Variants in PRKAR1A observed in about 807,000 individuals in gnomAD.
The protein encoded by PRKAR1A is cAMP-dependent protein kinase type I-alpha regulatory subunit.
Under a neutral mutation model 52.0 loss-of-function variants are expected in PRKAR1A, and 3 were observed. The ratio of observed to expected loss-of-function variants is 0.06; its 90% CI spans 0.03 to 0.15. PRKAR1A has a LOEUF of 0.15. Ranked by LOEUF, PRKAR1A falls within the 10% of genes least tolerant of loss-of-function variation. The probability of loss-of-function intolerance (pLI) is 1.00; values close to 1 mark genes in which losing one functional copy is unlikely to be tolerated. For synonymous variants in PRKAR1A, 188 were observed against 168.4 expected, an observed-to-expected ratio of 1.12 and a Z score of -0.90; for missense variants, 240 against 477.4, an observed-to-expected ratio of 0.50 and a Z score of 4.63.
At chr17:68,418,287 A>G in the PRKAR1A span, among the ~76,000 whole-genome samples, 1 of 152,228 alleles carries the variant, frequency 6.6e-6, no homozygotes, top group Admixed American at 6.5e-5. Context: ...ACACTTTGTT[A>G]GGACGAGTCT....
chr17:68,523,022 G>C, intron 3 of PRKAR1A, 96 bp downstream of exon 3: 1 of 1,459,420 alleles, frequency 6.9e-7, no homozygotes, highest in Non-Finnish European at 9.4e-7. Context: ...ATACAAAACA[G>C]GGTGGAACTT....
upstream of PRKAR1A, among the ~76,000 whole-genome samples, chr17:68,508,297 G>T (rs1294549689): frequency 1.3e-5 from 2 of 152,164 alleles, no homozygotes; most frequent in African/African-American, 2.4e-5. Context: ...GCCCATCAGT[G>T]GTAGTCTGGA....
At chr17:68,537,815 AAACAGCTGTT>A (rs2086139805), downstream of PRKAR1A, 1 of 1,506,414 alleles carries the variant, frequency 6.6e-7, no homozygotes, top group African/African-American at 1.4e-5. This position sits in a 1 kb window ranked among gnomAD's most constrained non-coding sequence, Gnocchi z 4.2. Context: ...CTTTCCCCAC[AAACAGCTGTT>A]GTAGCTGATA....
chr17:68,503,797 A>G, the PRKAR1A span, among the ~76,000 whole-genome samples: 1 of 152,266 alleles, frequency 6.6e-6, no homozygotes, highest in African/African-American at 2.4e-5. Context: ...GATGTTCAAC[A>G]TCACTGATCA....
chr17:68,449,815 T>A, the PRKAR1A span, among the ~76,000 whole-genome samples: 1 of 152,174 alleles, frequency 6.6e-6, no homozygotes, highest in East Asian at 1.9e-4. Flanking sequence ...TAGAGTAATG[T>A]GAGAATAGAC....
intron 2 of PRKAR1A, among the ~76,000 whole-genome samples, chr17:68,519,663 T>G (rs193287286): frequency 1.3e-5 from 2 of 152,248 alleles, no homozygotes; most frequent in African/African-American, 4.8e-5. Context: ...CTTCAACTAC[T>G]CCATAAGAAA....
At chr17:68,415,007 A>AT in the PRKAR1A span, among the ~76,000 whole-genome samples, 2 of 151,236 alleles carry the variant, frequency 1.3e-5, no homozygotes, top group Non-Finnish European at 3.0e-5. Flanking sequence ...TATCTTTTTT[A>AT]TTTTTTTGTT....
At chr17:68,488,528 G>C in the PRKAR1A span, among the ~76,000 whole-genome samples, 1 of 152,092 alleles carries the variant, frequency 6.6e-6, no homozygotes, top group East Asian at 1.9e-4. Flanking sequence ...AGGAGTTCCA[G>C]ACCAGCCTGA....
chr17:68,449,991 A>G, the PRKAR1A span, among the ~76,000 whole-genome samples: 2 of 152,206 alleles, frequency 1.3e-5, no homozygotes, highest in East Asian at 3.8e-4. Flanking sequence ...AGCCTGGGCA[A>G]TAGGGCAAGA....
rs1166253226 is a variant in PRKAR1A at position 68,548,806 on chromosome 17, C to A, written c.974-2278C>A. Among the ~76,000 whole-genome samples the A allele has an allele frequency of 5.0e-5, 7 of 139,904 alleles. No individual in the cohort carries two copies. In the South Asian group the frequency reaches 1.4e-3, roughly 29 times the overall value. The allele number at this position is 139,904 out of a possible 152,430, so 91.8% of individuals were successfully genotyped here. A position where few individuals can be genotyped will look rare whatever the true frequency, so the allele number is the denominator to read the frequency against. Reference sequence around the variant, plus strand: ...GGAGTGCAGTGGCTCGATCTTGGCTCACTGCAAGCTCCGCCTCCCGGGTTC... The same window carrying A: ...GGAGTGCAGTGGCTCGATCTTGGCTAACTGCAAGCTCCGCCTCCCGGGTTC... On this transcript the variant is annotated intron_variant, in intron 11 of 11. Coordinates refer to the PRKAR1A transcript ENST00000585981.
At chr17:68,479,766 C>A in the PRKAR1A span, among the ~76,000 whole-genome samples, 47 of 152,158 alleles carry the variant, frequency 3.1e-4, no homozygotes, top group Non-Finnish European at 6.5e-4. Flanking sequence ...GAAGAAATAC[C>A]CAAGACTGGG....
chr17:68,488,740 A>C, the PRKAR1A span, among the ~76,000 whole-genome samples: 1 of 150,554 alleles, frequency 6.6e-6, no homozygotes, highest in Non-Finnish European at 1.5e-5. Flanking sequence ...AAAACAAAAA[A>C]AAAAAAAAAA....
the PRKAR1A span, among the ~76,000 whole-genome samples, chr17:68,497,646 C>T: frequency 1.3e-5 from 2 of 152,068 alleles, no homozygotes; most frequent in East Asian, 3.8e-4. Context: ...TGCCAAGTGC[C>T]GTGCTAAGAG....
the PRKAR1A span, among the ~76,000 whole-genome samples, chr17:68,497,014 G>T: frequency 6.6e-6 from 1 of 151,606 alleles, no homozygotes; most frequent in African/African-American, 2.4e-5. Flanking sequence ...TGTGGAGACA[G>T]GGTTTTGCCA....
the PRKAR1A span, chr17:68,420,059 G>C: frequency 5.8e-6 from 6 of 1,040,730 alleles, no homozygotes; most frequent in Non-Finnish European, 7.1e-6. Flanking sequence ...CTTTGACAGA[G>C]AGAGCCATCA....
chr17:68,445,069 C>A, the PRKAR1A span, among the ~76,000 whole-genome samples: 1 of 151,980 alleles, frequency 6.6e-6, no homozygotes, highest in Non-Finnish European at 1.5e-5. Flanking sequence ...TACATGCATG[C>A]ACCACCACAC....
chr17:68,515,641 G>A, intron 2 of PRKAR1A, 65 bp downstream of exon 2: 2 of 1,525,012 alleles, frequency 1.3e-6, no homozygotes, highest in Non-Finnish European at 9.0e-7. Context: ...TAACTGGAAT[G>A]TTACTAATTT....
chr17:68,549,057 G>T (rs1275070213), intron 11 of PRKAR1A, among the ~76,000 whole-genome samples: 1 of 152,174 alleles, frequency 6.6e-6, no homozygotes, highest in Admixed American at 6.5e-5. Flanking sequence ...TAACTGACCA[G>T]GCAGAGATGT....
chr17:68,426,246 G>GGGGGTTGGTTTT, the PRKAR1A span: 1 of 894,424 alleles, frequency 1.1e-6, no homozygotes, highest in Non-Finnish European at 1.7e-6. Flanking sequence ...GGCGGGTGGG[G>GGGGGTTGGTTTT]AGCGGGGGCT....
Sources: allele counts gnomAD v4.1 joint callset (sites outside exome capture counted in the v4.1 genomes callset), GRCh38; gene constraint gnomAD v4.1.1; non-coding constraint Gnocchi (gnomAD v3.1); transcripts MANE v1.5; gene names NCBI Gene and HGNC (gene_info 2026-07-23, HGNC 2026-07-21).